The following WDR41 variants were observed in gnomAD, a reference collection of about 807,000 sequenced individuals.
The protein encoded by WDR41 is WD repeat domain 41.
Under a neutral mutation model 69.3 loss-of-function variants are expected in WDR41, and 63 were observed. The ratio of observed to expected loss-of-function variants is 0.91; its 90% CI spans 0.74 to 1.12. The LOEUF (loss-of-function observed/expected upper bound fraction) is 1.12, where lower values mean the gene tolerates loss of function less well. WDR41 is among the 50% of genes most tolerant of loss of function. The pLI, the probability that WDR41 is intolerant of heterozygous loss-of-function variation, is 0.00. For synonymous variants in WDR41, 185 were observed against 192.1 expected, an observed-to-expected ratio of 0.96 and a Z score of 0.31; for missense variants, 543 against 534.5, an observed-to-expected ratio of 1.02 and a Z score of -0.16.
At position 77,549,779 on chromosome 5, in the gene WDR41, A is replaced by G. The variant is rs533428164; in HGVS notation, c.43-60207T>C. On this transcript the variant is annotated intron_variant, in intron 1 of 5. Transcript: ENST00000509971. ...AATTAGAAAAAACTTCTGAAATTAA[A>G]TATCCATAGCAATCCTAAGCAAAAA... is the stretch of plus-strand genomic sequence containing the variant. Among the ~76,000 whole-genome samples, 9 of 152,136 alleles carry G rather than the reference A, an allele frequency of 5.9e-5. No individual in the cohort carries two copies. The East Asian group carries it at 7.7e-4, about 13-fold the overall frequency.
intron 1 of WDR41, among the ~76,000 whole-genome samples, chr5:77,581,073 G>C (rs1580024625): frequency 2.0e-5 from 3 of 152,076 alleles, no homozygotes; most frequent in Admixed American, 2.0e-4. Flanking sequence ...CCAATCAAAA[G>C]GATTGTCAGA....
At chr5:77,600,929 A>ATGTGTG (rs71608111) in intron 1 of WDR41, among the ~76,000 whole-genome samples, 7,389 of 144,078 alleles carry the variant, frequency 0.051, 217 homozygotes, top group African/African-American at 0.073. Context: ...CTCTGTGTGT[A>ATGTGTG]TGTGTGTGTG....
intron 8 of WDR41, among the ~76,000 whole-genome samples, chr5:77,446,417 A>G (rs1012807706): frequency 1.3e-5 from 2 of 152,240 alleles, no homozygotes; most frequent in Non-Finnish European, 2.9e-5. Context: ...GAATTAGAAA[A>G]AAAACTATTT....
rs1743190233 is a variant in WDR41, at chr5:77,546,018, A to C, written c.43-56446T>G. The C allele has an allele frequency of 2.0e-5, 10 of 511,084 alleles. No homozygotes were observed. The East Asian group carries it at 3.3e-4, about 17-fold the overall frequency. 31.7% of individuals were successfully genotyped at this position (511,084 alleles called of 1,614,324 possible). A position where few individuals can be genotyped will look rare whatever the true frequency, so the allele number is the denominator to read the frequency against. ...GGCATCATCTCGGCCCCTGTGCCCAAGAAGCTGCTGATGATGGCTGGTATT... is the reference window on the plus strand; with the variant it reads ...GGCATCATCTCGGCCCCTGTGCCCACGAAGCTGCTGATGATGGCTGGTATT... On this transcript the variant is annotated intron_variant, in intron 1 of 5. Coordinates refer to the WDR41 transcript ENST00000509971.
chr5:77,569,337 A>C (rs750853101), intron 1 of WDR41, among the ~76,000 whole-genome samples: 1 of 152,168 alleles, frequency 6.6e-6, no homozygotes, highest in Non-Finnish European at 1.5e-5. Flanking sequence ...AAGATGACAC[A>C]CTAAGGTCAT....
At chr5:77,492,503 C>G (rs138843850), upstream of WDR41, 8 of 385,150 alleles carry the variant, frequency 2.1e-5, no homozygotes, top group Non-Finnish European at 2.8e-5. Flanking sequence ...CGCGCTGCTC[C>G]GAGTGAGCAC....
At chr5:77,535,131 C>A (rs1415711503) in intron 1 of WDR41, among the ~76,000 whole-genome samples, 1 of 152,074 alleles carries the variant, frequency 6.6e-6, no homozygotes, top group Non-Finnish European at 1.5e-5. Flanking sequence ...TTCTATCTTG[C>A]TGAGTTCCTC....
intron 1 of WDR41, among the ~76,000 whole-genome samples, chr5:77,572,598 A>G (rs1327244553): frequency 6.6e-6 from 1 of 152,212 alleles, no homozygotes; most frequent in African/African-American, 2.4e-5. Flanking sequence ...ACATTTTTTC[A>G]AGAATAAATG....
chr5:77,580,912 C>A (rs1054769902), intron 1 of WDR41, among the ~76,000 whole-genome samples: 2 of 151,744 alleles, frequency 1.3e-5, no homozygotes, highest in Non-Finnish European at 2.9e-5. Context: ...GCCGAGATTG[C>A]ACTACTGCAC....
Position 77,449,806 on chromosome 5 carries a change from G to A in WDR41, c.651C>T (p.Arg217=), listed in dbSNP as rs758940644. The A allele has an allele frequency of 8.1e-6, 13 of 1,613,682 alleles. No homozygotes were observed. Among genetic ancestry groups the A allele is most frequent in the Non-Finnish European group, 8.5e-6 (10 of 1,179,680 alleles). Residue 217 remains arginine, a synonymous_variant, in exon 8 of 13, where the codon CGC becomes CGT. Coordinates refer to ENST00000296679, the MANE Select transcript of WDR41 (RefSeq NM_018268.4). The part of the protein sequence containing the change: ...SLEWDILEVK[R]LLDHQDNILS... The stretch of plus-strand genomic sequence containing the variant: ...GAATATTATCCTGGTGATCAAGGAG[G>A]CGCTTAACTTCAAGAATATCCCATT...
intron 2 of WDR41, among the ~76,000 whole-genome samples, chr5:77,484,161 CG>C (rs1312488692): frequency 6.6e-6 from 1 of 152,132 alleles, no homozygotes; most frequent in African/African-American, 2.4e-5. Context: ...CAGCAATTAC[CG>C]TTTCACTCAC....
At chr5:77,581,281 A>T (rs1048943711) in intron 1 of WDR41, among the ~76,000 whole-genome samples, 1 of 152,348 alleles carries the variant, frequency 6.6e-6, no homozygotes, top group Admixed American at 6.5e-5. Flanking sequence ...TTTTATAATG[A>T]TAAAAGGTCA....
At chr5:77,573,437 G>A (rs762324823) in intron 1 of WDR41, among the ~76,000 whole-genome samples, 5 of 152,024 alleles carry the variant, frequency 3.3e-5, no homozygotes, top group South Asian at 2.1e-4. Context: ...CACTCATACC[G>A]GAATTAGAGG....
At chr5:77,612,223 A>G (rs1449786556) in intron 1 of WDR41, among the ~76,000 whole-genome samples, 1 of 152,154 alleles carries the variant, frequency 6.6e-6, no homozygotes, top group Non-Finnish European at 1.5e-5. Flanking sequence ...ACAAGGAGGA[A>G]CTGGTACCAT....
chr5:77,546,836 AC>A lies in WDR41; in HGVS notation c.43-57265del, dbSNP rs1316981393. ...ACATAACCAAAAGTGAAAACTACAG[AC>A]CAATAGCCCTGATGCACATGATGCT... is the stretch of plus-strand genomic sequence containing the variant. On this transcript the variant is annotated intron_variant, in intron 1 of 5. Transcript: ENST00000509971. 4.6e-5 allele frequency among the ~76,000 whole-genome samples: 7 copies of A among 152,092 alleles called. No individual in the cohort carries two copies. In the South Asian group the frequency reaches 6.2e-4, roughly 13 times the overall value.
intron 3 of WDR41, among the ~76,000 whole-genome samples, chr5:77,464,402 TG>T (rs1253203924): frequency 6.7e-6 from 1 of 150,132 alleles, no homozygotes; most frequent in Non-Finnish European, 1.5e-5. Context: ...TGTGCCACTA[TG>T]CCCAGCTGAT....
At chr5:77,480,815 A>ACT (rs1561760032) in intron 2 of WDR41, among the ~76,000 whole-genome samples, 3 of 117,194 alleles carry the variant, frequency 2.6e-5, no homozygotes, top group South Asian at 3.0e-4. Flanking sequence ...CCTAAAACTT[A>ACT]AAGTATAATT....
At chr5:77,543,283 C>G (rs1437338046) in intron 1 of WDR41, among the ~76,000 whole-genome samples, 1 of 152,076 alleles carries the variant, frequency 6.6e-6, no homozygotes, top group African/African-American at 2.4e-5. Flanking sequence ...AGCTCACCAG[C>G]AATGGACCCA....
At chr5:77,433,478 T>G (rs1285120594) in intron 12 of WDR41, among the ~76,000 whole-genome samples, 191 bp from the exon 13 acceptor site, 1 of 152,216 alleles carries the variant, frequency 6.6e-6, no homozygotes, top group Non-Finnish European at 1.5e-5. Context: ...CAGAATTTTG[T>G]TAATATTGTT....
Sources: allele counts gnomAD v4.1 joint callset (sites outside exome capture counted in the v4.1 genomes callset), GRCh38; gene constraint gnomAD v4.1.1; transcripts MANE v1.5; gene names NCBI Gene and HGNC (gene_info 2026-07-23, HGNC 2026-07-21).